Variants in KIAA0232 observed in about 807,000 individuals in gnomAD.
KIAA0232 encodes KIAA0232.
KIAA0232 carries 27 observed loss-of-function variants against 122.0 expected under a neutral mutation model. The observed-to-expected ratio is 0.22, with a 90% CI of 0.16 to 0.31. The LOEUF (loss-of-function observed/expected upper bound fraction) is 0.31, where lower values mean the gene tolerates loss of function less well. Ranked by LOEUF, KIAA0232 falls within the 10% of genes least tolerant of loss-of-function variation. The probability of loss-of-function intolerance (pLI) is 1.00; values close to 1 mark genes in which losing one functional copy is unlikely to be tolerated. For missense variants in KIAA0232, 1,551 were observed against 1,634.2 expected (o/e 0.95, Z 0.88); for synonymous variants, 613 against 587.6 (o/e 1.04, Z -0.63).
chr4:6,858,463 C>T lies in KIAA0232; in HGVS notation c.475C>T (p.Pro159Ser), dbSNP rs746775290. 1 of 1,608,434 alleles carries T rather than the reference C, an allele frequency of 6.2e-7. No homozygotes were observed. The highest frequency in any genetic ancestry group is 1.1e-5 in the South Asian group (1 of 89,770). The change falls in exon 6 of 10, where the codon CCA (proline) becomes TCA (serine). Residue 159 changes from proline (P) to serine (S), a missense_variant. Pro to Ser is a moderately conservative substitution (Grantham distance 74, BLOSUM62 -1). Coordinates refer to ENST00000307659, the MANE Select transcript of KIAA0232 (RefSeq NM_014743.3). ...CAAAAAGTTAGAGGGGTCTCCCTCT[C>T]CAGAGGCAGAATTATCCCCTCCAGC... ...IHKKLEGSPSPEAELSPPAKD... is the reference protein window; with the variant it reads ...IHKKLEGSPSSEAELSPPAKD...
rs1170761581 is a variant in KIAA0232 at position 6,847,174 on chromosome 4, ATG to A, written c.369+4981_369+4982del. Among the ~76,000 whole-genome samples, 5 of 151,978 alleles carry A rather than the reference ATG, an allele frequency of 3.3e-5. No homozygotes were observed. In the South Asian group the frequency reaches 6.2e-4, roughly 19 times the overall value. Reference sequence around the variant, plus strand: ...TTTTCTCATTATGTGTGTGGCTATTATGTGTGTGTGTGACACATGTGACCATG... The same window carrying A: ...TTTTCTCATTATGTGTGTGGCTATTATGTGTGTGTGACACATGTGACCATG... On this transcript the variant is annotated intron_variant, in intron 4 of 9. Transcript: ENST00000307659.
intron 8 of KIAA0232, among the ~76,000 whole-genome samples, chr4:6,874,153 T>A (rs1015436262): frequency 3.3e-5 from 5 of 152,232 alleles, no homozygotes; most frequent in African/African-American, 7.2e-5. Context: ...CCTGCTGGCC[T>A]TGCTGCGCAT....
intron 2 of KIAA0232, among the ~76,000 whole-genome samples, chr4:6,812,406 T>A (rs1466788700): frequency 6.6e-6 from 1 of 152,080 alleles, no homozygotes; most frequent in Non-Finnish European, 1.5e-5. Flanking sequence ...GCAGTAAGGG[T>A]CTTAGAACGC....
chr4:6,852,084 T>C (rs536900188), intron 4 of KIAA0232, among the ~76,000 whole-genome samples: 3 of 152,298 alleles, frequency 2.0e-5, no homozygotes, highest in African/African-American at 7.2e-5. Flanking sequence ...ATCTGTGCCC[T>C]AGATCATGTT....
chr4:6,823,471 C>G (rs1210071442), intron 2 of KIAA0232, among the ~76,000 whole-genome samples: 1 of 152,144 alleles, frequency 6.6e-6, no homozygotes, highest in Non-Finnish European at 1.5e-5. Flanking sequence ...AACAGTATAG[C>G]CTGGCTGTAA....
intron 2 of KIAA0232, among the ~76,000 whole-genome samples, chr4:6,808,432 G>A (rs536856823): frequency 6.7e-6 from 1 of 149,356 alleles, no homozygotes; most frequent in African/African-American, 2.5e-5. Flanking sequence ...GAAAGGACCA[G>A]TTAAAAATAT....
intron 2 of KIAA0232, among the ~76,000 whole-genome samples, chr4:6,807,032 G>GTCTGTCTGTCTGTCTGTCTATCTA (rs750617409): frequency 6.9e-6 from 1 of 145,748 alleles, no homozygotes; most frequent in Admixed American, 7.0e-5. Flanking sequence ...CTGTCTGTCT[G>GTCTGTCTGTCTGTCTGTCTATCTA]TCTATCTATC....
chr4:6,793,163 A>G (rs1381612229), intron 1 of KIAA0232, among the ~76,000 whole-genome samples: 1 of 152,104 alleles, frequency 6.6e-6, no homozygotes, highest in Non-Finnish European at 1.5e-5. Flanking sequence ...ATGTTAACTA[A>G]TTAACTAATT....
At position 6,884,026 on chromosome 4, in the gene KIAA0232, T is replaced by C. The variant is rs986035531; in HGVS notation, c.*3060T>C. ...TTATGTAGATTTAACAGGTTCCTCATTGATAAAACAATGTTTTTTTGGTTG... is the reference window on the plus strand; with the variant it reads ...TTATGTAGATTTAACAGGTTCCTCACTGATAAAACAATGTTTTTTTGGTTG... On this transcript the variant is annotated 3_prime_UTR_variant, in exon 10 of 10. Coordinates refer to ENST00000307659, the MANE Select transcript of KIAA0232 (RefSeq NM_014743.3). 1 of 152,236 alleles carries C rather than the reference T, an allele frequency of 6.6e-6. No individual in the cohort carries two copies. The highest frequency in any genetic ancestry group is 2.4e-5 in the African/African-American group (1 of 41,472). The allele number at this position is 152,236 out of a possible 1,614,324, so 9.4% of individuals were successfully genotyped here.
At chr4:6,799,542 C>T (rs1717283420) in intron 1 of KIAA0232, among the ~76,000 whole-genome samples, 1 of 151,938 alleles carries the variant, frequency 6.6e-6, no homozygotes, top group Admixed American at 6.6e-5. Flanking sequence ...AAATTCACGT[C>T]TACTAGAAAG....
intron 2 of KIAA0232, among the ~76,000 whole-genome samples, chr4:6,821,629 TAC>T (rs1225645728): frequency 3.3e-5 from 5 of 151,324 alleles, no homozygotes; most frequent in Non-Finnish European, 7.4e-5. Flanking sequence ...TATATATATA[TAC>T]GTGTATATAG....
At chr4:6,800,151 G>A (rs1446050957) in intron 1 of KIAA0232, among the ~76,000 whole-genome samples, 2 of 134,688 alleles carry the variant, frequency 1.5e-5, no homozygotes, top group South Asian at 4.7e-4. Flanking sequence ...TCCATCTCCC[G>A]GGTTCAAGTG....
Position 6,855,554 on chromosome 4 carries a change from A to T in KIAA0232, c.370-1610A>T, listed in dbSNP as rs932391551. 1.3e-5 allele frequency among the ~76,000 whole-genome samples: 2 copies of T among 152,144 alleles called. No individual in the cohort carries two copies. The highest frequency in any genetic ancestry group is 1.3e-4 in the Admixed American group (2 of 15,268). ...TGTTTATATATGACAGCAAATATATATATATCACTCATATAGTATACATAT... is the reference window on the plus strand; with the variant it reads ...TGTTTATATATGACAGCAAATATATTTATATCACTCATATAGTATACATAT... On this transcript the variant is annotated intron_variant, in intron 4 of 9. Transcript: ENST00000307659. The surrounding 1 kb of genome is among the most constrained non-coding windows in gnomAD (Gnocchi z 4.3).
At position 6,878,887 on chromosome 4, in the gene KIAA0232, C is replaced by T. The variant is rs191226580; in HGVS notation, c.4009-1900C>T. 2.1e-3 allele frequency among the ~76,000 whole-genome samples: 320 copies of T among 152,238 alleles called. 2 individuals are homozygous for T. The highest frequency in any genetic ancestry group is 7.3e-3 in the African/African-American group (302 of 41,536). ...ACGTCCTGCTGCCCACTGACCTGTC[C>T]GGCTCCACACATGAAGGCAGATGTT... is the stretch of plus-strand genomic sequence containing the variant. On this transcript the variant is annotated intron_variant, in intron 9 of 9. Coordinates refer to ENST00000307659, the MANE Select transcript of KIAA0232 (RefSeq NM_014743.3).
chr4:6,846,622 G>T (rs1719980944), intron 4 of KIAA0232, among the ~76,000 whole-genome samples: 1 of 151,862 alleles, frequency 6.6e-6, no homozygotes, highest in South Asian at 2.1e-4. Context: ...GGGGACCACT[G>T]CCTTAAACCA....
At position 6,862,307 on chromosome 4, in the gene KIAA0232, C is replaced by G; in HGVS notation, c.1925C>G (p.Ser642Cys). The change falls in exon 7 of 10, where the codon TCT becomes TGT. Residue 642 changes from serine to cysteine, a missense_variant. Around this residue, in one of 5 missense-constraint regions of KIAA0232, gnomAD observed 1,108 missense variants for 1,154.8 expected, o/e 0.96. Transcript: ENST00000307659. ...CTCTTTTCAGATATTAATGAAGGATCTGGTATAAACTCTTGTTTTTCAGTG... is the reference window on the plus strand; with the variant it reads ...CTCTTTTCAGATATTAATGAAGGATGTGGTATAAACTCTTGTTTTTCAGTG... Reference protein sequence around the residue: ...QELFSDINEGSGINSCFSVFE... With the variant: ...QELFSDINEGCGINSCFSVFE... 3 of 1,614,126 alleles carry G rather than the reference C, an allele frequency of 1.9e-6. No individual in the cohort carries two copies. Among genetic ancestry groups the G allele is most frequent in the Non-Finnish European group, 2.5e-6 (3 of 1,180,010 alleles).
At chr4:6,783,763 G>C (rs750415228) in intron 1 of KIAA0232, among the ~76,000 whole-genome samples, 1 of 152,108 alleles carries the variant, frequency 6.6e-6, no homozygotes, top group Non-Finnish European at 1.5e-5. Flanking sequence ...CTGGAGCTAG[G>C]AGTGACAGGC....
At chr4:6,859,873 T>G (rs567080596) in intron 6 of KIAA0232, among the ~76,000 whole-genome samples, 34 of 152,278 alleles carry the variant, frequency 2.2e-4, no homozygotes, top group African/African-American at 8.2e-4. Context: ...CAAAAATACT[T>G]TCTCATTTTC....
At chr4:6,850,137 G>A (rs1720197177) in intron 4 of KIAA0232, among the ~76,000 whole-genome samples, 1 of 152,220 alleles carries the variant, frequency 6.6e-6, no homozygotes, top group Admixed American at 6.5e-5. Flanking sequence ...AAATCTGAGA[G>A]TGAGGCACTA....
Sources: allele counts gnomAD v4.1 joint callset (sites outside exome capture counted in the v4.1 genomes callset), GRCh38; gene constraint gnomAD v4.1.1; regional missense constraint gnomAD v4.1.1; non-coding constraint Gnocchi (gnomAD v3.1); transcripts MANE v1.5; gene names NCBI Gene and HGNC (gene_info 2026-07-23, HGNC 2026-07-21).